ZNF33B: variants seen among roughly 807,000 people sequenced by gnomAD.
ZNF33B encodes zinc finger protein 11b (KOX 2).
ZNF33B carries 29 observed loss-of-function variants against 45.8 expected under a neutral mutation model. That is an observed-to-expected ratio of 0.63 (90% CI 0.47 to 0.86). The LOEUF is 0.86. Ranked by LOEUF, ZNF33B falls within the 40% of genes least tolerant of loss-of-function variation. The probability of loss-of-function intolerance (pLI) is 0.00; values close to 1 mark genes in which losing one functional copy is unlikely to be tolerated. For missense variants in ZNF33B, 831 were observed against 909.9 expected (o/e 0.91, Z 1.12); for synonymous variants, 305 against 307.8 (o/e 0.99, Z 0.10).
rs576615511 is a variant in ZNF33B, at chr10:42,589,401, G to A, written c.*3212C>T. The A allele has an allele frequency of 6.6e-6, 1 of 152,246 alleles. No homozygotes were observed. The highest frequency in any genetic ancestry group is 2.4e-5 in the African/African-American group (1 of 41,554). 9.4% of individuals were successfully genotyped at this position (152,246 alleles called of 1,614,324 possible). A position where few individuals can be genotyped will look rare whatever the true frequency, so the allele number is the denominator to read the frequency against. On this transcript the variant is annotated 3_prime_UTR_variant, in exon 5 of 5. Coordinates refer to ENST00000359467, the MANE Select transcript of ZNF33B (RefSeq NM_006955.3). ...ATTCTCTGCATTTTGACAAATTACA[G>A]TACCCTACAGAGTACTTTCACTGTC...
downstream of ZNF33B, among the ~76,000 whole-genome samples, chr10:42,587,128 C>T (rs1044153375): frequency 1.3e-5 from 2 of 152,146 alleles, no homozygotes; most frequent in African/African-American, 4.8e-5. Flanking sequence ...GTTCTCATGA[C>T]CTTACCACCT....
At chr10:42,580,712 A>AGT (rs1159414449) in intron 1 of ZNF33B, among the ~76,000 whole-genome samples, 6 of 150,486 alleles carry the variant, frequency 4.0e-5, no homozygotes, top group Non-Finnish European at 8.9e-5. Context: ...TGAGGCCAGG[A>AGT]GTTCAAGACC....
In ZNF33B at chr10:42,632,347, C is replaced by T; in HGVS notation, c.102G>A (p.Arg34=). ...CCAGCATCACATCTCTATACAGAGCCCTCTGACTAGGGTCCAGGTGCTGCC... is the reference window on the plus strand; with the variant it reads ...CCAGCATCACATCTCTATACAGAGCTCTCTGACTAGGGTCCAGGTGCTGCC... ...EEWQHLDPSQ[R]ALYRDVMLEN... is the part of the protein sequence containing the mutation. The change falls in exon 3 of 5, where the codon AGG becomes AGA. Residue 34 remains arginine, a synonymous_variant. Coordinates refer to ENST00000359467, the MANE Select transcript of ZNF33B (RefSeq NM_006955.3). The T allele has an allele frequency of 6.2e-7, 1 of 1,613,690 alleles. No homozygotes were observed. Among genetic ancestry groups the T allele is most frequent in the Non-Finnish European group, 8.5e-7 (1 of 1,179,914 alleles).
chr10:42,579,778 T>C (rs1836798762), intron 1 of ZNF33B: 1 of 154,398 alleles, frequency 6.5e-6, no homozygotes, highest in African/African-American at 2.4e-5. Context: ...TCAAGCATTG[T>C]TTAAGCAGAA....
chr10:42,584,892 A>C (rs1836900825), downstream of ZNF33B, among the ~76,000 whole-genome samples: 1 of 152,194 alleles, frequency 6.6e-6, no homozygotes, highest in Non-Finnish European at 1.5e-5. Flanking sequence ...AGTTAGGATT[A>C]GGACAGGAGA....
chr10:42,623,216 G>A (rs574408191), intron 4 of ZNF33B, among the ~76,000 whole-genome samples: 24 of 152,324 alleles, frequency 1.6e-4, no homozygotes, highest in African/African-American at 5.8e-4. Context: ...GTGGTGAGCC[G>A]AGATCGTGCC....
intron 1 of ZNF33B, chr10:42,583,019 T>C (rs909548757): frequency 2.6e-6 from 2 of 765,360 alleles, no homozygotes; most frequent in African/African-American, 1.7e-5. Flanking sequence ...GGGAAGGCCA[T>C]TGATCTTCCA....
downstream of ZNF33B, among the ~76,000 whole-genome samples, chr10:42,586,618 G>C (rs1453772489): frequency 6.6e-6 from 1 of 152,170 alleles, no homozygotes; most frequent in Non-Finnish European, 1.5e-5. Flanking sequence ...ATACACATAG[G>C]CTGCATGCAA....
At chr10:42,635,363 G>A (rs1839243835) in intron 2 of ZNF33B, among the ~76,000 whole-genome samples, 1 of 152,108 alleles carries the variant, frequency 6.6e-6, no homozygotes, top group Non-Finnish European at 1.5e-5. Flanking sequence ...GAATGAGCAG[G>A]GAGGTGTCAG....
intron 4 of ZNF33B, among the ~76,000 whole-genome samples, chr10:42,615,001 C>CA (rs1383101037): frequency 1.3e-5 from 2 of 151,090 alleles, no homozygotes; most frequent in South Asian, 2.1e-4. Flanking sequence ...TTAGGAAATG[C>CA]AAAAAACCAC....
chr10:42,593,642 T>C lies in ZNF33B; in HGVS notation c.1308A>G (p.Thr436=), dbSNP rs370627442. The change falls in exon 5 of 5, where the codon ACA becomes ACG. Residue 436 remains threonine, a synonymous_variant. Coordinates refer to ENST00000359467, the MANE Select transcript of ZNF33B (RefSeq NM_006955.3). ...SDLTKHQRTH[T]GQKPYECYEC... ...CATAACATTCATAGGGTTTCTGCCC[T>C]GTGTGTGTTCTCTGATGTTTAGTGA... 7 of 1,614,094 alleles carry C rather than the reference T, an allele frequency of 4.3e-6. No homozygotes were observed. The highest frequency in any genetic ancestry group is 5.1e-6 in the Non-Finnish European group (6 of 1,179,972).
intron 4 of ZNF33B, among the ~76,000 whole-genome samples, chr10:42,624,738 T>C (rs568776802): frequency 2.7e-4 from 41 of 152,312 alleles, no homozygotes; most frequent in Admixed American, 1.1e-3. Context: ...ATGGGTAGCA[T>C]ATACAGCCTG....
chr10:42,626,786 T>C (rs1393868420), intron 4 of ZNF33B, among the ~76,000 whole-genome samples: 1 of 152,126 alleles, frequency 6.6e-6, no homozygotes, highest in Admixed American at 6.6e-5. Context: ...CATTAATTCT[T>C]GTGTAAATGT....
Position 42,593,874 on chromosome 10 carries a change from C to T in ZNF33B, c.1076G>A (p.Cys359Tyr). 6.2e-7 allele frequency: 1 copy of T among 1,614,042 alleles called. No individual in the cohort carries two copies. Among genetic ancestry groups the T allele is most frequent in the Non-Finnish European group, 8.5e-7 (1 of 1,179,956 alleles). Residue 359 changes from cysteine (C) to tyrosine (Y), a missense_variant, in exon 5 of 5, where the codon TGT (cysteine) becomes TAT (tyrosine). Coordinates refer to ENST00000359467, the MANE Select transcript of ZNF33B (RefSeq NM_006955.3). The stretch of plus-strand genomic sequence containing the variant: ...CCAGAAAGTTTTTCCACATTGATTA[C>T]ATTGAAAGTGTTTCTCTCCTGTGTG... ...RVHTGEKHFQCNQCGKTFWEK... is the reference protein window; with the variant it reads ...RVHTGEKHFQYNQCGKTFWEK...
At chr10:42,577,481 G>C (rs1836764941) in intron 1 of ZNF33B, among the ~76,000 whole-genome samples, 1 of 152,194 alleles carries the variant, frequency 6.6e-6, no homozygotes, top group Non-Finnish European at 1.5e-5. Flanking sequence ...AAGTTTTTCA[G>C]ATCTTGTAAG....
intron 4 of ZNF33B, among the ~76,000 whole-genome samples, chr10:42,611,995 G>T (rs998854442): frequency 6.6e-6 from 1 of 152,054 alleles, no homozygotes; most frequent in African/African-American, 2.4e-5. Context: ...TAAGAGTGAA[G>T]AGACAGGACA....
In ZNF33B at chr10:42,589,465, A is replaced by T. The variant is rs1837014598; in HGVS notation, c.*3148T>A. On this transcript the variant is annotated 3_prime_UTR_variant, in exon 5 of 5. Coordinates refer to ENST00000359467, the MANE Select transcript of ZNF33B (RefSeq NM_006955.3). ...ACCTGCCATCCCTCCTTTCCCCTCA[A>T]CTCTCAGCAACCACTGGTCCTTTGA... 1 of 151,782 alleles carries T rather than the reference A, an allele frequency of 6.6e-6. No individual in the cohort carries two copies. Among genetic ancestry groups the T allele is most frequent in the South Asian group, 2.1e-4 (1 of 4,828 alleles). 9.4% of individuals were successfully genotyped at this position (151,782 alleles called of 1,614,324 possible). A position where few individuals can be genotyped will look rare whatever the true frequency, so the allele number is the denominator to read the frequency against.
intron 2 of ZNF33B, among the ~76,000 whole-genome samples, chr10:42,635,453 T>C (rs1392307619): frequency 2.0e-5 from 3 of 152,144 alleles, no homozygotes; most frequent in Non-Finnish European, 2.9e-5. Context: ...ATTTGCGCCA[T>C]GGATTTGTAA....
intron 4 of ZNF33B, among the ~76,000 whole-genome samples, chr10:42,630,827 ATAAGGC>A (rs1839016099): frequency 1.3e-5 from 2 of 152,126 alleles, no homozygotes; most frequent in Admixed American, 1.3e-4. Context: ...TTTTAACCAA[ATAAGGC>A]TTATGATAGG....
Sources: gnomAD v4.1 joint callset for allele counts (sites outside exome capture counted in the v4.1 genomes callset) on GRCh38, gnomAD v4.1.1 for gene constraint, MANE v1.5 for transcripts, NCBI Gene and HGNC (gene_info 2026-07-23, HGNC 2026-07-21) for gene names.